ITPR2: variants seen among roughly 807,000 people sequenced by gnomAD.
The protein encoded by ITPR2 is inositol 1,4,5-trisphosphate-gated calcium channel ITPR2.
Under a neutral mutation model 317.1 loss-of-function variants are expected in ITPR2, and 207 were observed. The ratio of observed to expected loss-of-function variants is 0.65; its 90% confidence interval spans 0.58 to 0.73. The LOEUF is 0.73. ITPR2 is among the 30% of genes least tolerant of loss of function. The pLI, the probability that ITPR2 is intolerant of heterozygous loss-of-function variation, is 0.00. For synonymous variants in ITPR2, 1,156 were observed against 1,149.1 expected (o/e 1.01, Z -0.12); for missense variants, 2,613 against 3,284.0 (o/e 0.80, Z 4.99).
chr12:26,671,553 T>A (rs1311941420), intron 13 of ITPR2, among the ~76,000 whole-genome samples: 3 of 152,076 alleles, frequency 2.0e-5, no homozygotes, highest in Non-Finnish European at 4.4e-5. Flanking sequence ...AAGGAAGCAC[T>A]AAACATGGAA....
intron 7 of ITPR2, 141 bp downstream of exon 7, chr12:26,715,611 T>G (rs1393725601): frequency 3.9e-6 from 3 of 774,700 alleles, no homozygotes; most frequent in Non-Finnish European, 6.1e-6. Flanking sequence ...GGAAATTCAG[T>G]AAAACACTTA....
chr12:26,657,072 C>T (rs1947386442), intron 18 of ITPR2, among the ~76,000 whole-genome samples: 1 of 152,166 alleles, frequency 6.6e-6, no homozygotes, highest in Non-Finnish European at 1.5e-5. Flanking sequence ...CCAGGGAGCA[C>T]AAAGCGTCAT....
chr12:26,621,852 GT>G (rs1490357252), intron 25 of ITPR2, among the ~76,000 whole-genome samples: 1 of 151,958 alleles, frequency 6.6e-6, no homozygotes, highest in Non-Finnish European at 1.5e-5. Context: ...ATAACAGTTC[GT>G]TTTTTTGGAT....
At chr12:26,612,897 A>C (rs1946301627) in intron 26 of ITPR2, among the ~76,000 whole-genome samples, 1 of 152,106 alleles carries the variant, frequency 6.6e-6, no homozygotes, top group Non-Finnish European at 1.5e-5. Flanking sequence ...ATACATGCTA[A>C]CTCCTCCCAG....
chr12:26,659,315 C>T, intron 15 of ITPR2, 30 bp from the exon 16 acceptor site: 1 of 1,585,246 alleles, frequency 6.3e-7, no homozygotes, highest in Non-Finnish European at 8.6e-7. Context: ...TCAGAATGCA[C>T]TGCCAAACAG....
chr12:26,419,135 G>C lies in ITPR2; in HGVS notation c.7024C>G (p.Leu2342Val). ...ACGTGATAGAGAAAGGCCATATCCA[G>C]GATGACTGCTCGGTACCCACGGGTG... ...TFTRGYRAVILDMAFLYHVAY... is the reference protein window; with the variant it reads ...TFTRGYRAVIVDMAFLYHVAY... The change falls in exon 50 of 57, where the codon CTG becomes GTG. Residue 2342 changes from leucine (L) to valine (V), a missense_variant. This residue lies in a region of ITPR2 where 78 missense variants were observed against 110.3 expected (regional missense o/e 0.71). Transcript: ENST00000381340. 2 of 1,613,794 alleles carry C rather than the reference G, an allele frequency of 1.2e-6. No homozygotes were observed. Among genetic ancestry groups the C allele is most frequent in the East Asian group, 4.5e-5 (2 of 44,860 alleles).
chr12:26,659,427 T>G, intron 15 of ITPR2, 142 bp from the exon 16 acceptor site: 1 of 679,900 alleles, frequency 1.5e-6, no homozygotes, highest in Non-Finnish European at 2.4e-6. Context: ...AGTAAATTTT[T>G]CAATAAATAG....
intron 51 of ITPR2, 35 bp from the exon 52 acceptor site, chr12:26,411,447 CA>C (rs772013841): frequency 2.0e-5 from 27 of 1,374,770 alleles, no homozygotes; most frequent in Non-Finnish European, 2.6e-5. Flanking sequence ...AATATAGAGT[CA>C]AATATGCACA....
intron 45 of ITPR2, among the ~76,000 whole-genome samples, chr12:26,461,299 G>A (rs1187959669): frequency 6.6e-6 from 1 of 152,018 alleles, no homozygotes. Context: ...ATGGGACACA[G>A]GCAACTTCTC....
At chr12:26,527,064 A>C (rs1406988148) in intron 37 of ITPR2, among the ~76,000 whole-genome samples, 4 of 152,192 alleles carry the variant, frequency 2.6e-5, no homozygotes, top group African/African-American at 4.8e-5. Context: ...ACTCACTTCT[A>C]GTGTCTTAAG....
intron 42 of ITPR2, 125 bp from the exon 43 acceptor site, chr12:26,481,366 T>C (rs1283692120): frequency 1.7e-6 from 1 of 591,682 alleles, no homozygotes; most frequent in Admixed American, 2.9e-5. Flanking sequence ...AGATTTACCT[T>C]TGAGCATTTG....
chr12:26,535,793 C>CT (rs1428070906), intron 37 of ITPR2, among the ~76,000 whole-genome samples: 4 of 152,070 alleles, frequency 2.6e-5, no homozygotes, highest in Non-Finnish European at 4.4e-5. Flanking sequence ...ATAAGAAAAT[C>CT]TTTTTTTGTT....
chr12:26,804,802 C>T (rs569988557), intron 1 of ITPR2, among the ~76,000 whole-genome samples: 1 of 152,100 alleles, frequency 6.6e-6, no homozygotes, highest in African/African-American at 2.4e-5. Flanking sequence ...GTGCTGCAAT[C>T]CTGGCTCACT....
At chr12:26,728,450 C>A (rs563079647) in intron 2 of ITPR2, among the ~76,000 whole-genome samples, 55 of 152,278 alleles carry the variant, frequency 3.6e-4, no homozygotes, top group African/African-American at 1.2e-3. Context: ...CAGCCTCCCA[C>A]AGGGGACATC....
chr12:26,771,033 G>A lies in ITPR2; in HGVS notation c.163+19124C>T, dbSNP rs912845513. Reference sequence around the variant, plus strand: ...GGTCTTCTGTGTGCGCCTTCTATTCGTATGTCTTGTACAAGGATATATAAG... The same window carrying A: ...GGTCTTCTGTGTGCGCCTTCTATTCATATGTCTTGTACAAGGATATATAAG... On this transcript the variant is annotated intron_variant, in intron 2 of 56. Transcript: ENST00000381340. Among the ~76,000 whole-genome samples, 8 of 152,096 alleles carry A rather than the reference G, an allele frequency of 5.3e-5. No homozygotes were observed. The East Asian group carries it at 7.7e-4, about 15-fold the overall frequency.
At chr12:26,472,807 CTT>C (rs1190029564) in intron 45 of ITPR2, among the ~76,000 whole-genome samples, 1 of 152,042 alleles carries the variant, frequency 6.6e-6, no homozygotes, top group Non-Finnish European at 1.5e-5. Context: ...TCTTTACCCT[CTT>C]TGTCCATTCT....
In ITPR2 at chr12:26,616,244, T is replaced by C. The variant is rs562461529; in HGVS notation, c.3462+4879A>G. Among the ~76,000 whole-genome samples the C allele has an allele frequency of 5.9e-5, 9 of 152,102 alleles. No homozygotes were observed. In the East Asian group the frequency reaches 1.7e-3, roughly 29 times the overall value. On this transcript the variant is annotated intron_variant, in intron 26 of 56. Coordinates refer to ENST00000381340, the MANE Select transcript of ITPR2 (RefSeq NM_002223.4). ...GCTCCGCCTCCCGGGTTCACGCCATTCTCCTGCCTCAGCCTCCCGAGTAGC... is the reference window on the plus strand; with the variant it reads ...GCTCCGCCTCCCGGGTTCACGCCATCCTCCTGCCTCAGCCTCCCGAGTAGC...
At chr12:26,726,594 A>G (rs1379503299) in intron 2 of ITPR2, among the ~76,000 whole-genome samples, 1 of 152,204 alleles carries the variant, frequency 6.6e-6, no homozygotes, top group East Asian at 1.9e-4. Context: ...AAAAACTGTG[A>G]GTTCAACATA....
chr12:26,373,157 T>C (rs1939236625), intron 55 of ITPR2, among the ~76,000 whole-genome samples: 1 of 152,248 alleles, frequency 6.6e-6, no homozygotes, highest in Non-Finnish European at 1.5e-5. Context: ...CCTGTCCCAG[T>C]TGCTTCTGGT....
Sources: allele counts gnomAD v4.1 joint callset (sites outside exome capture counted in the v4.1 genomes callset), GRCh38; gene constraint gnomAD v4.1.1; regional missense constraint gnomAD v4.1.1; transcripts MANE v1.5; gene names NCBI Gene and HGNC (gene_info 2026-07-23, HGNC 2026-07-21).